The following NEMP2 variants were observed in gnomAD, a reference collection of about 807,000 sequenced individuals.
The protein encoded by NEMP2 is UPF0571 transmembrane protein.
Under a neutral mutation model 54.2 loss-of-function variants are expected in NEMP2, and 53 were observed. The ratio of observed to expected loss-of-function variants is 0.98; its 90% CI spans 0.78 to 1.23. NEMP2 has a LOEUF of 1.23. Ranked by LOEUF, NEMP2 falls within the 50% of genes most tolerant of loss-of-function variation. The pLI, the probability that NEMP2 is intolerant of heterozygous loss-of-function variation, is 0.00. For synonymous variants in NEMP2, 197 were observed against 190.3 expected (o/e 1.04, Z -0.29); for missense variants, 455 against 511.3 (o/e 0.89, Z 1.06).
chr2:190,550,241 A>G, the NEMP2 span, among the ~76,000 whole-genome samples: 5 of 152,174 alleles, frequency 3.3e-5, no homozygotes, highest in East Asian at 7.7e-4. The surrounding 1 kb of genome is among the most constrained non-coding windows in gnomAD (Gnocchi z 4.7). Flanking sequence ...TCCAGGATCA[A>G]GATACCGGTA....
At chr2:190,485,354 C>G in the NEMP2 span, among the ~76,000 whole-genome samples, 1 of 152,090 alleles carries the variant, frequency 6.6e-6, no homozygotes, top group Non-Finnish European at 1.5e-5. This position sits in a 1 kb window ranked among gnomAD's most constrained non-coding sequence, Gnocchi z 5.1. Context: ...ATACACATAA[C>G]AAGAGGTTTG....
chr2:190,555,299 C>A, the NEMP2 span, among the ~76,000 whole-genome samples: 1 of 152,004 alleles, frequency 6.6e-6, no homozygotes, highest in African/African-American at 2.4e-5. The surrounding 1 kb of genome is among the most constrained non-coding windows in gnomAD (Gnocchi z 4.8). Flanking sequence ...AGCAAGAGAA[C>A]AAAACTGGAC....
the NEMP2 span, among the ~76,000 whole-genome samples, chr2:190,576,160 A>G: frequency 6.6e-6 from 1 of 152,050 alleles, no homozygotes; most frequent in Non-Finnish European, 1.5e-5. Flanking sequence ...TTCTAGAGAC[A>G]GGGTCTCGCT....
At chr2:190,645,128 C>G in the NEMP2 span, among the ~76,000 whole-genome samples, 1 of 152,068 alleles carries the variant, frequency 6.6e-6, no homozygotes, top group Non-Finnish European at 1.5e-5. Flanking sequence ...AATTTAAAAC[C>G]ATACAAGTGA....
the NEMP2 span, among the ~76,000 whole-genome samples, chr2:190,636,625 A>G: frequency 1.3e-5 from 2 of 152,374 alleles, no homozygotes; most frequent in South Asian, 4.1e-4. Flanking sequence ...AAGAAATTCT[A>G]CAAAGTTGCT....
the NEMP2 span, among the ~76,000 whole-genome samples, chr2:190,584,278 T>G: frequency 2.0e-5 from 3 of 152,152 alleles, no homozygotes; most frequent in Non-Finnish European, 2.9e-5. This position sits in a 1 kb window ranked among gnomAD's most constrained non-coding sequence, Gnocchi z 4.2. Flanking sequence ...TATGGAAGCC[T>G]GAAGAACATG....
At chr2:190,450,813 T>TA in the NEMP2 span, among the ~76,000 whole-genome samples, 1 of 152,178 alleles carries the variant, frequency 6.6e-6, no homozygotes, top group Non-Finnish European at 1.5e-5. Flanking sequence ...TTCTTTCCTT[T>TA]AAAAAGTTAA....
chr2:190,449,057 T>C, the NEMP2 span, among the ~76,000 whole-genome samples: 11 of 152,384 alleles, frequency 7.2e-5, no homozygotes, highest in South Asian at 2.1e-3. Context: ...AATATGCATA[T>C]TGTCTGTCTA....
At chr2:190,474,671 A>G in the NEMP2 span, among the ~76,000 whole-genome samples, 1 of 152,228 alleles carries the variant, frequency 6.6e-6, no homozygotes. Context: ...TTCTGAAACT[A>G]TTCCAATCAA....
chr2:190,601,959 G>A, the NEMP2 span, among the ~76,000 whole-genome samples: 13 of 152,162 alleles, frequency 8.5e-5, 1 homozygote, highest in African/African-American at 2.4e-4. The surrounding 1 kb of genome is among the most constrained non-coding windows in gnomAD (Gnocchi z 5.8). Context: ...CACTTACACC[G>A]AGGACTGTTG....
At chr2:190,635,640 T>C in the NEMP2 span, among the ~76,000 whole-genome samples, 1 of 152,262 alleles carries the variant, frequency 6.6e-6, no homozygotes, top group Non-Finnish European at 1.5e-5. The surrounding 1 kb of genome is among the most constrained non-coding windows in gnomAD (Gnocchi z 4.1). Flanking sequence ...AATTTACCCA[T>C]AAATTCTTCT....
At position 190,520,080 on chromosome 2, in the gene NEMP2, A is replaced by T. The variant is rs186148650; in HGVS notation, c.214-897T>A. 1.3e-3 allele frequency among the ~76,000 whole-genome samples: 200 copies of T among 152,274 alleles called. 1 individual carries two copies. The highest frequency in any genetic ancestry group is 2.1e-3 in the East Asian group (11 of 5,182). The stretch of plus-strand genomic sequence containing the variant: ...ACTAGGAAACCAAAAAATTTGTATG[A>T]CTTGCTTTATGGGGTATTTATTGAA... On this transcript the variant is annotated intron_variant, in intron 2 of 8. Coordinates refer to ENST00000409150, the MANE Select transcript of NEMP2 (RefSeq NM_001142645.2). The surrounding 1 kb of genome is among the most constrained non-coding windows in gnomAD (Gnocchi z 5.4).
At chr2:190,634,683 T>C in the NEMP2 span, among the ~76,000 whole-genome samples, 2 of 152,228 alleles carry the variant, frequency 1.3e-5, no homozygotes, top group African/African-American at 2.4e-5. This position sits in a 1 kb window ranked among gnomAD's most constrained non-coding sequence, Gnocchi z 6.8. Flanking sequence ...TGGCCAACCG[T>C]TGGCTCCTCA....
the NEMP2 span, among the ~76,000 whole-genome samples, chr2:190,548,444 C>T: frequency 6.6e-6 from 1 of 152,290 alleles, no homozygotes; most frequent in African/African-American, 2.4e-5. Flanking sequence ...TTAGGGCAAA[C>T]AGCTCATCTA....
the NEMP2 span, among the ~76,000 whole-genome samples, chr2:190,446,285 C>T: frequency 1.2e-4 from 19 of 152,068 alleles, no homozygotes; most frequent in Non-Finnish European, 1.9e-4. Flanking sequence ...ATGCTGTTTT[C>T]ACAACATAAA....
the NEMP2 span, among the ~76,000 whole-genome samples, chr2:190,548,800 A>T: frequency 6.6e-6 from 1 of 152,262 alleles, no homozygotes; most frequent in Non-Finnish European, 1.5e-5. Flanking sequence ...ACATGCTGGT[A>T]GCCATCACCC....
chr2:190,497,298 A>T, the NEMP2 span: 1 of 907,122 alleles, frequency 1.1e-6, no homozygotes, highest in South Asian at 1.8e-5. This position sits in a 1 kb window ranked among gnomAD's most constrained non-coding sequence, Gnocchi z 5.2. Flanking sequence ...TAATGAAGTC[A>T]TTGGTAACCA....
At position 190,509,200 on chromosome 2, in the gene NEMP2, T is replaced by C; in HGVS notation, c.1243A>G (p.Ser415Gly). ...AFLEEQLFNP[S>G]TA The stretch of plus-strand genomic sequence containing the variant: ...TTGAAGGTCGCATGTCAGGCAGTAC[T>C]CGGGTTAAAGAGCTGCTCTTCCAAG... The change falls in exon 9 of 9, where the codon AGT (serine) becomes GGT (glycine). Residue 415 changes from serine to glycine, a missense_variant. Transcript: ENST00000409150. This position sits in a 1 kb window ranked among gnomAD's most constrained non-coding sequence, Gnocchi z 6.1. 2 of 1,551,698 alleles carry C rather than the reference T, an allele frequency of 1.3e-6. No homozygotes were observed. The highest frequency in any genetic ancestry group is 1.7e-6 in the Non-Finnish European group (2 of 1,146,998).
chr2:190,515,318 A>G (rs2125314781), intron 6 of NEMP2, among the ~76,000 whole-genome samples: 1 of 152,328 alleles, frequency 6.6e-6, no homozygotes, highest in South Asian at 2.1e-4. Flanking sequence ...TAGAAGGTGG[A>G]GATTCTACAG....
Sources: allele counts gnomAD v4.1 joint callset (sites outside exome capture counted in the v4.1 genomes callset), GRCh38; gene constraint gnomAD v4.1.1; non-coding constraint Gnocchi (gnomAD v3.1); transcripts MANE v1.5; gene names NCBI Gene and HGNC (gene_info 2026-07-23, HGNC 2026-07-21).